The following PLCB4 variants were observed in gnomAD, a reference collection of about 807,000 sequenced individuals.
PLCB4 encodes the protein phospholipase C beta 4.
In PLCB4, 77 loss-of-function variants were observed where a neutral mutation model predicts 178.8. The observed-to-expected ratio is 0.43, with a 90% CI of 0.36 to 0.52. The LOEUF (loss-of-function observed/expected upper bound fraction) is 0.52, where lower values mean the gene tolerates loss of function less well. PLCB4 is among the 20% of genes least tolerant of loss of function. The pLI is 0.00. For synonymous variants in PLCB4, 496 were observed against 490.8 expected, an observed-to-expected ratio of 1.01 and a Z score of -0.14; for missense variants, 1,024 against 1,453.4, an observed-to-expected ratio of 0.70 and a Z score of 4.80.
At chr20:9,303,977 T>C (rs2094734995) in intron 3 of PLCB4, among the ~76,000 whole-genome samples, 1 of 152,068 alleles carries the variant, frequency 6.6e-6, no homozygotes, top group Admixed American at 6.6e-5. Flanking sequence ...CACCTCCTCC[T>C]CCTCATCCTC....
chr20:9,203,626 A>G (rs1158812547), intron 2 of PLCB4, among the ~76,000 whole-genome samples: 11 of 152,146 alleles, frequency 7.2e-5, no homozygotes, highest in Admixed American at 7.2e-4. Flanking sequence ...ATTCCATTTA[A>G]CTTCACAACA....
At chr20:9,406,491 ATT>A (rs113287972) in intron 21 of PLCB4, among the ~76,000 whole-genome samples, 32 of 142,658 alleles carry the variant, frequency 2.2e-4, no homozygotes, top group Middle Eastern at 3.6e-3. Flanking sequence ...CAAATTGACC[ATT>A]TTTTTTTTTT....
intron 3 of PLCB4, among the ~76,000 whole-genome samples, chr20:9,228,619 A>T (rs1039377589): frequency 6.6e-6 from 1 of 152,160 alleles, no homozygotes; most frequent in Admixed American, 6.6e-5. Context: ...TGTATTTTTC[A>T]GCTGACCCTC....
chr20:9,195,683 C>A (rs780848350), intron 2 of PLCB4, among the ~76,000 whole-genome samples: 1 of 152,164 alleles, frequency 6.6e-6, no homozygotes, highest in East Asian at 1.9e-4. Flanking sequence ...CTATCTCAGG[C>A]CTTTGGACTC....
intron 15 of PLCB4, among the ~76,000 whole-genome samples, chr20:9,389,108 G>A (rs116228154): frequency 2.6e-3 from 400 of 152,266 alleles, no homozygotes; most frequent in African/African-American, 9.1e-3. Flanking sequence ...CTGGTTTGAA[G>A]CCTTTCTTTC....
Position 9,457,435 on chromosome 20 carries a change from G to GA in PLCB4, c.3024dup (p.Glu1009ArgfsTer16). ...TCAGGGGAAGTAATTGTCTCGAAAT[G>GA]AAAAAAGAAACAGAAATCAAAATTC... On this transcript the variant is annotated frameshift_variant, in exon 34 of 40. Coordinates refer to ENST00000378473, the MANE Select transcript of PLCB4 (RefSeq NM_001377142.1). LOFTEE classifies it high-confidence loss of function. 1.3e-6 allele frequency: 2 copies of GA among 1,551,278 alleles called. No homozygotes were observed. The highest frequency in any genetic ancestry group is 1.8e-6 in the Non-Finnish European group (2 of 1,123,112).
intron 2 of PLCB4, among the ~76,000 whole-genome samples, chr20:9,154,481 G>T (rs1412265353): frequency 1.3e-5 from 2 of 152,128 alleles, no homozygotes; most frequent in African/African-American, 4.8e-5. Flanking sequence ...GGTGAATTTT[G>T]TTGGTGTGTG....
At chr20:9,476,445 G>A (rs185965093) in intron 38 of PLCB4, among the ~76,000 whole-genome samples, 21 of 152,248 alleles carry the variant, frequency 1.4e-4, no homozygotes, top group South Asian at 1.0e-3. Context: ...AAAAGGTTTT[G>A]CTTAAAGGCC....
chr20:9,277,610 T>C (rs1394489071), intron 3 of PLCB4, among the ~76,000 whole-genome samples: 2 of 151,984 alleles, frequency 1.3e-5, no homozygotes, highest in Non-Finnish European at 2.9e-5. Context: ...GTTAGAGTCT[T>C]AATAGTTGAT....
chr20:9,444,163 A>C lies in PLCB4; in HGVS notation c.2815-15A>C, dbSNP rs6039471. The stretch of plus-strand genomic sequence containing the variant: ...AAACAAAAAACCTATTTTTGATTCT[A>C]TTTTTCTCCCAAAGGCTTACTTGAA... On this transcript the variant is annotated splice_polypyrimidine_tract_variant and intron_variant, in intron 31 of 39. Transcript: ENST00000378473. 0.18 allele frequency: 287,988 copies of C among 1,570,788 alleles called. 29,562 individuals carry two copies. Among genetic ancestry groups the C allele is most frequent in the East Asian group, 0.4 (17,700 of 44,494 alleles).
At chr20:9,118,859 A>G (rs2091868011) in intron 2 of PLCB4, among the ~76,000 whole-genome samples, 1 of 152,208 alleles carries the variant, frequency 6.6e-6, no homozygotes, top group Non-Finnish European at 1.5e-5. Context: ...CTTTACTGGA[A>G]CACTATTGTG....
intron 3 of PLCB4, among the ~76,000 whole-genome samples, chr20:9,237,779 A>G (rs1019864906): frequency 6.6e-6 from 1 of 152,224 alleles, no homozygotes; most frequent in Non-Finnish European, 1.5e-5. Context: ...TTACCATGAC[A>G]TTCTCAGAAC....
chr20:9,386,781 A>C (rs368825116), intron 14 of PLCB4, among the ~76,000 whole-genome samples: 3 of 149,868 alleles, frequency 2.0e-5, no homozygotes. Flanking sequence ...TTAGCATTAG[A>C]TATATCTCCT....
At chr20:9,455,023 G>A (rs2042973855) in intron 33 of PLCB4, among the ~76,000 whole-genome samples, 1 of 152,142 alleles carries the variant, frequency 6.6e-6, no homozygotes, top group African/African-American at 2.4e-5. Context: ...GGCAATATTG[G>A]TAGTGATTAC....
intron 2 of PLCB4, among the ~76,000 whole-genome samples, chr20:9,139,781 T>A (rs995293323): frequency 6.6e-6 from 1 of 152,080 alleles, no homozygotes; most frequent in South Asian, 2.1e-4. Context: ...GAAACTTTCA[T>A]AAGTGTTCGT....
chr20:9,179,523 C>T (rs758077527), intron 2 of PLCB4, among the ~76,000 whole-genome samples: 4 of 152,184 alleles, frequency 2.6e-5, no homozygotes, highest in South Asian at 2.1e-4. Context: ...TTCTGATCTA[C>T]AGAACTGTAA....
chr20:9,362,982 G>T lies in PLCB4; in HGVS notation c.449+7G>T. 1 of 1,589,394 alleles carries T rather than the reference G, an allele frequency of 6.3e-7. No individual in the cohort carries two copies. The highest frequency in any genetic ancestry group is 8.6e-7 in the Non-Finnish European group (1 of 1,157,968). ...TGACATGCCTCAAGAAACAGTGAGT[G>T]TTGTTTGCATTACTCGTTTTTCTTG... On this transcript the variant is annotated splice_region_variant and intron_variant, in intron 8 of 39. Transcript: ENST00000378473.
chr20:9,197,443 AT>A (rs2093486260), intron 2 of PLCB4, among the ~76,000 whole-genome samples: 1 of 152,248 alleles, frequency 6.6e-6, no homozygotes, highest in Non-Finnish European at 1.5e-5. Context: ...TATCTCATTA[AT>A]TTTTGTGTAA....
intron 18 of PLCB4, among the ~76,000 whole-genome samples, chr20:9,394,397 T>A (rs1440778907): frequency 6.6e-6 from 1 of 152,172 alleles, no homozygotes; most frequent in Non-Finnish European, 1.5e-5. Context: ...TCATATACTA[T>A]AGACACATGT....
Sources: gnomAD v4.1 joint callset for allele counts (sites outside exome capture counted in the v4.1 genomes callset) on GRCh38, gnomAD v4.1.1 for gene constraint, MANE v1.5 for transcripts, NCBI Gene and HGNC (gene_info 2026-07-23, HGNC 2026-07-21) for gene names.